Variants in BMP7 observed in about 807,000 individuals in gnomAD.
BMP7 encodes osteogenic protein 1.
A neutral mutation model predicts 41.2 loss-of-function variants in BMP7; 12 were observed. The ratio of observed to expected loss-of-function variants is 0.29; its 90% confidence interval spans 0.19 to 0.47. BMP7 has a LOEUF of 0.47. Ranked by LOEUF, BMP7 falls within the 20% of genes least tolerant of loss-of-function variation. BMP7 has a pLI of 0.99. For synonymous variants in BMP7, 248 were observed against 250.0 expected (o/e 0.99, Z 0.07); for missense variants, 467 against 606.0 (o/e 0.77, Z 2.41).
chr20:57,190,106 C>T (rs191259119), intron 3 of BMP7, among the ~76,000 whole-genome samples: 1 of 152,176 alleles, frequency 6.6e-6, no homozygotes, highest in East Asian at 1.9e-4. Flanking sequence ...GAGCCAGGAA[C>T]CAGAGAGGTT....
Position 57,170,688 on chromosome 20 carries a change from T to C in BMP7, c.*271A>G, listed in dbSNP as rs150380468. ...GGCTGAGACTTCCCAGCCAATGACC[T>C]GGCCCGGCCATTTTTCTTTATGCGT... On this transcript the variant is annotated 3_prime_UTR_variant, in exon 7 of 7. Coordinates refer to ENST00000395863, the MANE Select transcript of BMP7 (RefSeq NM_001719.3). The C allele has an allele frequency of 2.9e-4, 123 of 422,842 alleles. No individual in the cohort carries two copies. The East Asian group carries it at 6.3e-3, about 22-fold the overall frequency. 26.2% of individuals were successfully genotyped at this position (422,842 alleles called of 1,614,324 possible). A position where few individuals can be genotyped will look rare whatever the true frequency, so the allele number is the denominator to read the frequency against.
chr20:57,207,389 T>A (rs1452783702), intron 2 of BMP7, among the ~76,000 whole-genome samples: 1 of 152,202 alleles, frequency 6.6e-6, no homozygotes, highest in Non-Finnish European at 1.5e-5. Context: ...CTACAGCAGA[T>A]ACCAGAAAGA....
chr20:57,198,264 C>T (rs1427625124), intron 3 of BMP7, among the ~76,000 whole-genome samples: 1 of 152,076 alleles, frequency 6.6e-6, no homozygotes, highest in East Asian at 1.9e-4. Flanking sequence ...TCTCCTTTCT[C>T]ACAGGGCTCT....
chr20:57,201,139 A>C (rs1056369416), intron 3 of BMP7, among the ~76,000 whole-genome samples: 1 of 152,242 alleles, frequency 6.6e-6, no homozygotes, highest in African/African-American at 2.4e-5. Context: ...CAGAATCTGC[A>C]TTTTACCAAG....
In BMP7 at chr20:57,240,912, C is replaced by A. The variant is rs573175827; in HGVS notation, c.419-12491G>T. Among the ~76,000 whole-genome samples the A allele has an allele frequency of 4.6e-5, 7 of 152,330 alleles. 1 individual carries two copies. The South Asian group carries it at 1.0e-3, about 23-fold the overall frequency. ...AATTCAAGTTGAGATTTGGTAGGGA[C>A]ACAGCCAAACCATATCAGTGACCAT... On this transcript the variant is annotated intron_variant, in intron 1 of 6. Transcript: ENST00000395863.
intron 1 of BMP7, among the ~76,000 whole-genome samples, chr20:57,232,147 T>C (rs1305360009): frequency 6.6e-6 from 1 of 152,242 alleles, no homozygotes; most frequent in South Asian, 2.1e-4. Context: ...TGATCTTGGC[T>C]GTGCCACTTA....
chr20:57,248,474 A>AG (rs1373109125), intron 1 of BMP7, among the ~76,000 whole-genome samples: 2 of 152,232 alleles, frequency 1.3e-5, no homozygotes, highest in Admixed American at 1.3e-4. Flanking sequence ...AGAGGTAGGC[A>AG]GGCAGGCAAG....
At chr20:57,219,810 G>C (rs572597151) in intron 2 of BMP7, among the ~76,000 whole-genome samples, 10 of 152,268 alleles carry the variant, frequency 6.6e-5, no homozygotes, top group African/African-American at 2.4e-4. Flanking sequence ...CCCACTGCCC[G>C]ATGCTCCTAA....
intron 1 of BMP7, among the ~76,000 whole-genome samples, chr20:57,242,626 C>T (rs1379374093): frequency 6.6e-6 from 1 of 152,186 alleles, no homozygotes; most frequent in Admixed American, 6.5e-5. Flanking sequence ...CACACTGAGA[C>T]ACGTGGGGCT....
chr20:57,209,249 T>TTATATATATATATATATATA (rs57062226), intron 2 of BMP7, among the ~76,000 whole-genome samples: 1 of 94,876 alleles, frequency 1.1e-5, no homozygotes, highest in Admixed American at 1.4e-4. Flanking sequence ...TTATATATTT[T>TTATATATATATATATATATA]TATATATATA....
chr20:57,207,811 G>GTTTTT (rs572613876), intron 2 of BMP7, among the ~76,000 whole-genome samples: 8 of 109,974 alleles, frequency 7.3e-5, no homozygotes, highest in Non-Finnish European at 1.4e-4. Flanking sequence ...ACCCCAGTTG[G>GTTTTT]TTTTTTTTTT....
At chr20:57,202,430 A>C in intron 3 of BMP7, 45 bp downstream of exon 3, 1 of 1,595,428 alleles carries the variant, frequency 6.3e-7, no homozygotes, top group Non-Finnish European at 8.5e-7. Context: ...CCTGAAGTCC[A>C]GGAGCACAGG....
chr20:57,197,420 C>T (rs149174475), intron 3 of BMP7, among the ~76,000 whole-genome samples: 6 of 152,248 alleles, frequency 3.9e-5, no homozygotes, highest in African/African-American at 1.4e-4. Context: ...GGCTGGGTCC[C>T]CTGCAGGGGC....
chr20:57,203,206 C>A (rs1363722540), intron 2 of BMP7, among the ~76,000 whole-genome samples: 1 of 152,136 alleles, frequency 6.6e-6, no homozygotes, highest in African/African-American at 2.4e-5. Flanking sequence ...AGGACGTGCA[C>A]CATCTTTATG....
chr20:57,189,451 A>G (rs895345592), intron 3 of BMP7, among the ~76,000 whole-genome samples: 1 of 152,132 alleles, frequency 6.6e-6, no homozygotes, highest in African/African-American at 2.4e-5. Flanking sequence ...GCAGAAGCAA[A>G]CCCAGCACAG....
chr20:57,208,545 G>A (rs1437592113), intron 2 of BMP7, among the ~76,000 whole-genome samples: 1 of 152,144 alleles, frequency 6.6e-6, no homozygotes, highest in Non-Finnish European at 1.5e-5. Flanking sequence ...TGTCTCAAAA[G>A]GTCAAATGTA....
chr20:57,179,397 G>A (rs1280161749), intron 4 of BMP7, among the ~76,000 whole-genome samples: 2 of 152,240 alleles, frequency 1.3e-5, no homozygotes, highest in Non-Finnish European at 2.9e-5. Flanking sequence ...CTCAGCTCCC[G>A]CCTCCACGGG....
chr20:57,217,597 G>A (rs762425378), intron 2 of BMP7, among the ~76,000 whole-genome samples: 1 of 152,166 alleles, frequency 6.6e-6, no homozygotes, highest in Non-Finnish European at 1.5e-5. Context: ...TAGACGGAGC[G>A]ATAGTGGGAG....
chr20:57,203,825 T>C (rs566445978), intron 2 of BMP7, among the ~76,000 whole-genome samples: 94 of 152,326 alleles, frequency 6.2e-4, no homozygotes, highest in African/African-American at 2.1e-3. Context: ...TACCTGGAGT[T>C]ATCTAATCTT....
Sources: gnomAD v4.1 joint callset for allele counts (sites outside exome capture counted in the v4.1 genomes callset) on GRCh38, gnomAD v4.1.1 for gene constraint, MANE v1.5 for transcripts, NCBI Gene and HGNC (gene_info 2026-07-23, HGNC 2026-07-21) for gene names.